The following GUCY1A2 variants were observed in gnomAD, a reference collection of about 807,000 sequenced individuals.
GUCY1A2 encodes the protein guanylate cyclase soluble subunit alpha-2.
A neutral mutation model predicts 63.5 loss-of-function variants in GUCY1A2; 27 were observed. The observed-to-expected ratio is 0.43, with a 90% CI of 0.31 to 0.59. The LOEUF is 0.59. Among genes scored for constraint, GUCY1A2 ranks in the 20% least tolerant of loss-of-function variants. The pLI, the probability that GUCY1A2 is intolerant of heterozygous loss-of-function variation, is 0.11. For synonymous variants in GUCY1A2, 364 were observed against 343.5 expected (o/e 1.06, Z -0.66); for missense variants, 768 against 913.3 (o/e 0.84, Z 2.05).
At chr11:106,942,998 A>G (rs1414315547) in intron 3 of GUCY1A2, among the ~76,000 whole-genome samples, 2 of 152,212 alleles carry the variant, frequency 1.3e-5, no homozygotes, top group Non-Finnish European at 2.9e-5. Context: ...TGGCAATTCT[A>G]TATAAACCCA....
chr11:106,805,180 T>G (rs1486870165), intron 5 of GUCY1A2, among the ~76,000 whole-genome samples: 3 of 152,178 alleles, frequency 2.0e-5, no homozygotes, highest in African/African-American at 7.2e-5. Flanking sequence ...AAACCACACT[T>G]AGAGGCTGTG....
chr11:106,852,337 C>T (rs1591302202), intron 4 of GUCY1A2, among the ~76,000 whole-genome samples: 2 of 152,124 alleles, frequency 1.3e-5, no homozygotes, highest in South Asian at 4.1e-4. Context: ...ACTAGGACTT[C>T]CAGTACTATG....
At chr11:106,698,142 C>T (rs1455673132) in intron 7 of GUCY1A2, among the ~76,000 whole-genome samples, 1 of 37,502 alleles carries the variant, frequency 2.7e-5, no homozygotes, top group Non-Finnish European at 4.8e-5. Context: ...TTTTTTTAGA[C>T]AGGGTCTCAC....
intron 4 of GUCY1A2, among the ~76,000 whole-genome samples, chr11:106,881,294 C>G (rs1859820058): frequency 6.6e-6 from 1 of 152,052 alleles, no homozygotes; most frequent in East Asian, 1.9e-4. Context: ...GAATGAATTA[C>G]AAATAATCTA....
chr11:106,919,134 C>CA (rs764997178), intron 4 of GUCY1A2, among the ~76,000 whole-genome samples: 1 of 151,982 alleles, frequency 6.6e-6, no homozygotes, highest in Admixed American at 6.6e-5. Flanking sequence ...AATCACCGGA[C>CA]AAAAAACAAG....
chr11:106,903,352 CT>C (rs1258357783), intron 4 of GUCY1A2, among the ~76,000 whole-genome samples: 1 of 152,096 alleles, frequency 6.6e-6, no homozygotes, highest in Non-Finnish European at 1.5e-5. Context: ...TTACTTTGAC[CT>C]TTACTGAACT....
intron 2 of GUCY1A2, among the ~76,000 whole-genome samples, chr11:106,979,296 A>C (rs1049845466): frequency 2.0e-5 from 3 of 152,094 alleles, no homozygotes; most frequent in East Asian, 3.9e-4. Context: ...TCTACTAAAA[A>C]TACAAAAAAT....
In GUCY1A2 at chr11:106,675,623, CATT is replaced by C. The variant is rs1862332911; in HGVS notation, c.*11923_*11925del. On this transcript the variant is annotated 3_prime_UTR_variant, in exon 8 of 8. Transcript: ENST00000526355. Reference sequence around the variant, plus strand: ...ACCATATTTCTTCTATTTTTACAATCATTATTAAAATATTTCCCTAAAGAAATA... The same window carrying C: ...ACCATATTTCTTCTATTTTTACAATCATTAAAATATTTCCCTAAAGAAATA... The C allele has an allele frequency of 5.3e-6, 1 of 187,292 alleles. No homozygotes were observed. The highest frequency in any genetic ancestry group is 2.3e-5 in the African/African-American group (1 of 42,746). The allele number at this position is 187,292 out of a possible 1,614,324, so 11.6% of individuals were successfully genotyped here.
intron 4 of GUCY1A2, chr11:106,827,650 T>G: frequency 6.5e-7 from 1 of 1,535,234 alleles, no homozygotes; most frequent in Admixed American, 1.7e-5. Context: ...TCTATAACCT[T>G]GATGTTGGGA....
chr11:106,693,178 A>AT (rs1862656146), intron 7 of GUCY1A2, among the ~76,000 whole-genome samples: 1 of 152,210 alleles, frequency 6.6e-6, no homozygotes, highest in Admixed American at 6.5e-5. Context: ...CATCTTGTAG[A>AT]GGGGTAGAAA....
At chr11:106,711,838 C>T (rs1030224804) in intron 6 of GUCY1A2, among the ~76,000 whole-genome samples, 5 of 152,020 alleles carry the variant, frequency 3.3e-5, no homozygotes, top group African/African-American at 4.8e-5. Context: ...GAGTTTTTTA[C>T]CCCCAGTAGT....
chr11:106,861,002 GAGA>G (rs531248691), intron 4 of GUCY1A2, among the ~76,000 whole-genome samples: 230 of 152,042 alleles, frequency 1.5e-3, no homozygotes, highest in Admixed American at 3.5e-3. Context: ...GGAGGAAGAT[GAGA>G]AGAAGATTAT....
chr11:106,862,891 G>C (rs1859532796), intron 4 of GUCY1A2, among the ~76,000 whole-genome samples: 1 of 152,026 alleles, frequency 6.6e-6, no homozygotes, highest in South Asian at 2.1e-4. Context: ...CTTTCATTGA[G>C]ATACCTAGAG....
At chr11:106,876,622 G>T (rs1859753236) in intron 4 of GUCY1A2, among the ~76,000 whole-genome samples, 1 of 151,920 alleles carries the variant, frequency 6.6e-6, no homozygotes, top group African/African-American at 2.4e-5. Context: ...TTAAAAACTT[G>T]GAATGTTCGC....
intron 3 of GUCY1A2, among the ~76,000 whole-genome samples, chr11:106,943,574 AT>A (rs1385317894): frequency 4.6e-5 from 7 of 152,158 alleles, no homozygotes; most frequent in Non-Finnish European, 8.8e-5. Context: ...CTCAGATGGC[AT>A]TTCTTGAGGA....
rs142312307 is a variant in GUCY1A2, at chr11:106,728,030, C to G, written c.1837-19364G>C. On this transcript the variant is annotated intron_variant, in intron 6 of 7. Coordinates refer to ENST00000526355, the MANE Select transcript of GUCY1A2 (RefSeq NM_000855.3). The stretch of plus-strand genomic sequence containing the variant: ...TCCCTGTGAAAGGAAGTCATAATGC[C>G]TAATGGCCTGGCTCCTCGTAAATGT... Among the ~76,000 whole-genome samples, 767 of 152,320 alleles carry G rather than the reference C, an allele frequency of 5.0e-3. 6 individuals carry two copies. Among genetic ancestry groups the G allele is most frequent in the Middle Eastern group, 0.014 (4 of 294 alleles).
intron 6 of GUCY1A2, among the ~76,000 whole-genome samples, chr11:106,742,720 G>A (rs1247151018): frequency 6.6e-6 from 1 of 151,984 alleles, no homozygotes; most frequent in Non-Finnish European, 1.5e-5. Flanking sequence ...GGGATTTCTG[G>A]GTCAAATGAT....
chr11:106,701,866 T>C (rs1315539599), intron 7 of GUCY1A2, among the ~76,000 whole-genome samples: 1 of 152,208 alleles, frequency 6.6e-6, no homozygotes, highest in Non-Finnish European at 1.5e-5. Context: ...TTGTAAACAC[T>C]TATCAAAATA....
At chr11:106,992,891 C>G (rs1364001315) in intron 1 of GUCY1A2, among the ~76,000 whole-genome samples, 1 of 152,130 alleles carries the variant, frequency 6.6e-6, no homozygotes, top group Admixed American at 6.5e-5. Context: ...CACCCGGCGT[C>G]TTTGTGTTCC....
Sources: allele counts gnomAD v4.1 joint callset (sites outside exome capture counted in the v4.1 genomes callset), GRCh38; gene constraint gnomAD v4.1.1; transcripts MANE v1.5; gene names NCBI Gene and HGNC (gene_info 2026-07-23, HGNC 2026-07-21).